Variants in PTPRG observed in about 807,000 individuals in gnomAD.
The protein encoded by PTPRG is receptor-type tyrosine-protein phosphatase gamma.
A neutral mutation model predicts 165.3 loss-of-function variants in PTPRG; 102 were observed. The observed-to-expected ratio is 0.62, with a 90% confidence interval of 0.53 to 0.73. The LOEUF is 0.73. Among genes scored for constraint, PTPRG ranks in the 30% least tolerant of loss-of-function variants. The pLI, the probability that PTPRG is intolerant of heterozygous loss-of-function variation, is 0.00. For synonymous variants in PTPRG, 675 were observed against 669.5 expected (o/e 1.01, Z -0.13); for missense variants, 1,866 against 1,861.4 (o/e 1.00, Z -0.05).
intron 13 of PTPRG, among the ~76,000 whole-genome samples, chr3:62,227,711 G>A (rs1378962444): frequency 6.6e-6 from 1 of 152,202 alleles, no homozygotes; most frequent in Non-Finnish European, 1.5e-5. Context: ...GCACTGGAGA[G>A]CCATTGAGGG....
At chr3:61,789,992 C>T (rs777166729) in intron 2 of PTPRG, among the ~76,000 whole-genome samples, 2 of 152,182 alleles carry the variant, frequency 1.3e-5, no homozygotes, top group Non-Finnish European at 2.9e-5. Context: ...CAGCTGTTTC[C>T]TGGTACCATC....
intron 1 of PTPRG, among the ~76,000 whole-genome samples, chr3:61,714,102 A>G (rs1353792331): frequency 6.6e-6 from 1 of 152,144 alleles, no homozygotes; most frequent in Non-Finnish European, 1.5e-5. Context: ...TATGAGCTCT[A>G]TGACTATTAA....
At chr3:62,280,532 T>C (rs1029107739) in intron 26 of PTPRG, among the ~76,000 whole-genome samples, 5 of 151,954 alleles carry the variant, frequency 3.3e-5, no homozygotes, top group Admixed American at 1.3e-4. Flanking sequence ...CCACACCCAT[T>C]AGGATAGCTA....
intron 2 of PTPRG, among the ~76,000 whole-genome samples, chr3:61,981,407 T>C (rs1216840394): frequency 6.6e-6 from 1 of 152,216 alleles, no homozygotes; most frequent in African/African-American, 2.4e-5. Context: ...ATTCAATCTC[T>C]TGTCAAGGAG....
intron 4 of PTPRG, among the ~76,000 whole-genome samples, chr3:62,061,314 A>G (rs1338298786): frequency 6.6e-6 from 1 of 152,164 alleles, no homozygotes. Context: ...TTTGAGCAGG[A>G]CTGTATTTAA....
chr3:62,220,205 T>C (rs1220798947), intron 13 of PTPRG, among the ~76,000 whole-genome samples: 1 of 152,182 alleles, frequency 6.6e-6, no homozygotes, highest in East Asian at 1.9e-4. Context: ...AGAAACAAGG[T>C]AGAGCAGGAT....
intron 2 of PTPRG, among the ~76,000 whole-genome samples, chr3:61,761,887 CTG>C (rs1348047640): frequency 6.6e-6 from 1 of 152,190 alleles, no homozygotes; most frequent in African/African-American, 2.4e-5. Context: ...CTCCTGGAAA[CTG>C]TTTTTCTCTG....
chr3:62,132,549 G>T (rs1001839249), intron 5 of PTPRG, 53 bp from the exon 6 acceptor site: 1 of 1,391,740 alleles, frequency 7.2e-7, no homozygotes, highest in Non-Finnish European at 1.0e-6. Flanking sequence ...AACTGAGACT[G>T]TTGTGCCTGA....
At chr3:61,845,454 A>G (rs929761650) in intron 2 of PTPRG, among the ~76,000 whole-genome samples, 2 of 152,210 alleles carry the variant, frequency 1.3e-5, no homozygotes, top group South Asian at 2.1e-4. Flanking sequence ...GAAGATGTCT[A>G]TTGATCCTAT....
Position 61,654,702 on chromosome 3 carries a change from C to G in PTPRG, c.85+92330C>G, listed in dbSNP as rs186883829. 2.5e-3 allele frequency among the ~76,000 whole-genome samples: 382 copies of G among 151,472 alleles called. 9 individuals are homozygous for G. The highest frequency in any genetic ancestry group is 0.023 in the Admixed American group (352 of 15,194). ...TGCCTGGCCTATAATATAATTCTAT[C>G]CTGCTTTCTTGTATGCAGCCCAGGG... On this transcript the variant is annotated intron_variant, in intron 1 of 29. Coordinates refer to ENST00000474889, the MANE Select transcript of PTPRG (RefSeq NM_002841.4).
chr3:61,648,661 C>G (rs1051415883), intron 1 of PTPRG, among the ~76,000 whole-genome samples: 4 of 152,196 alleles, frequency 2.6e-5, no homozygotes, highest in African/African-American at 9.7e-5. Context: ...GCAGAACACA[C>G]ACTCATTTGG....
intron 1 of PTPRG, among the ~76,000 whole-genome samples, chr3:61,693,115 A>G (rs1052719975): frequency 6.6e-6 from 1 of 152,204 alleles, no homozygotes; most frequent in East Asian, 1.9e-4. Context: ...TAAAAGTACA[A>G]TTTGCCCATT....
intron 6 of PTPRG, among the ~76,000 whole-genome samples, chr3:62,141,455 C>T (rs2106642097): frequency 6.6e-6 from 1 of 152,180 alleles, no homozygotes; most frequent in Non-Finnish European, 1.5e-5. Flanking sequence ...CAAAATTAGC[C>T]TGGCATGGTG....
chr3:61,702,756 CTT>C (rs2031040618), intron 1 of PTPRG, among the ~76,000 whole-genome samples: 1 of 152,212 alleles, frequency 6.6e-6, no homozygotes, highest in African/African-American at 2.4e-5. Context: ...TTAGGGAACT[CTT>C]TTGGGTCTGT....
intron 2 of PTPRG, among the ~76,000 whole-genome samples, chr3:61,845,847 G>A (rs1057271121): frequency 3.4e-5 from 5 of 148,004 alleles, no homozygotes; most frequent in Non-Finnish European, 6.0e-5. Context: ...TGTGAGTGGA[G>A]GTTGTTTCCT....
intron 1 of PTPRG, among the ~76,000 whole-genome samples, chr3:61,648,691 CAGAG>C (rs774689778): frequency 1.3e-5 from 2 of 152,102 alleles, no homozygotes; most frequent in Non-Finnish European, 2.9e-5. Flanking sequence ...GTAATACAGT[CAGAG>C]AGAGAGGGCA....
chr3:62,164,444 A>G (rs1175894363), intron 7 of PTPRG, among the ~76,000 whole-genome samples: 11 of 152,228 alleles, frequency 7.2e-5, no homozygotes, highest in Non-Finnish European at 1.3e-4. Context: ...CATTTAAGTT[A>G]GAAAAATGAC....
At chr3:61,737,932 G>T (rs759817908) in intron 1 of PTPRG, among the ~76,000 whole-genome samples, 6 of 144,522 alleles carry the variant, frequency 4.2e-5, no homozygotes, top group Non-Finnish European at 7.5e-5. Flanking sequence ...TTTTTAAGAC[G>T]GAGTCTTTCT....
At chr3:61,958,115 T>A (rs1435109484) in intron 2 of PTPRG, among the ~76,000 whole-genome samples, 4 of 152,110 alleles carry the variant, frequency 2.6e-5, no homozygotes, top group African/African-American at 9.7e-5. Context: ...CAAGGACTTT[T>A]CTTCTTTTTT....
Sources: gnomAD v4.1 joint callset for allele counts (sites outside exome capture counted in the v4.1 genomes callset) on GRCh38, gnomAD v4.1.1 for gene constraint, MANE v1.5 for transcripts, NCBI Gene and HGNC (gene_info 2026-07-23, HGNC 2026-07-21) for gene names.